The following GPAM variants were observed in gnomAD, a reference collection of about 807,000 sequenced individuals.
GPAM encodes the protein glycerol-3-phosphate acyltransferase 1, mitochondrial.
GPAM carries 56 observed loss-of-function variants against 105.0 expected under a neutral mutation model. The observed-to-expected ratio is 0.53, with a 90% CI of 0.43 to 0.67. The LOEUF is 0.67. Among genes scored for constraint, GPAM ranks in the 30% least tolerant of loss-of-function variants. The pLI is 0.00. For missense variants in GPAM, 855 were observed against 989.8 expected, an observed-to-expected ratio of 0.86 and a Z score of 1.83; for synonymous variants, 368 against 354.4, an observed-to-expected ratio of 1.04 and a Z score of -0.43.
chr10:112,218,569 C>T (rs1847992795), upstream of GPAM, among the ~76,000 whole-genome samples: 1 of 152,070 alleles, frequency 6.6e-6, no homozygotes, highest in Non-Finnish European at 1.5e-5. Flanking sequence ...GAATTTGGGG[C>T]AAGTCCACAG....
chr10:112,181,748 C>T lies in GPAM; in HGVS notation c.37G>A (p.Val13Ile). 1 of 1,609,630 alleles carries T rather than the reference C, an allele frequency of 6.2e-7. No individual in the cohort carries two copies. Among genetic ancestry groups the T allele is most frequent in the Non-Finnish European group, 8.5e-7 (1 of 1,176,034 alleles). ...ESALTLGTID[V>I]SYLPHSSEYS... ...TCTGATGAATGTGGCAGATAAGAAA[C>T]ATCTATTGTACCAAGGGTCAGTGCA... The change falls in exon 3 of 22, where the codon GTT becomes ATT. Residue 13 changes from valine to isoleucine, a missense_variant. Coordinates refer to ENST00000348367, the MANE Select transcript of GPAM (RefSeq NM_001244949.2).
In GPAM at chr10:112,160,585, A is replaced by G; in HGVS notation, c.1759+19T>C. ...ATTTTCCATGAAAATTACTGAAAAT[A>G]TTTCAAGGTCTGACATACCTATGAT... On this transcript the variant is annotated intron_variant, in intron 16 of 21. Transcript: ENST00000348367. 1 of 1,605,640 alleles carries G rather than the reference A, an allele frequency of 6.2e-7. No homozygotes were observed. Among genetic ancestry groups the G allele is most frequent in the Non-Finnish European group, 8.5e-7 (1 of 1,172,274 alleles).
chr10:112,174,782 C>T (rs925227035), intron 6 of GPAM, among the ~76,000 whole-genome samples: 6 of 152,196 alleles, frequency 3.9e-5, no homozygotes, highest in Non-Finnish European at 7.4e-5. Flanking sequence ...TTCTACACGT[C>T]ATTACCATGA....
At chr10:112,202,749 C>T (rs1028014570) in intron 1 of GPAM, among the ~76,000 whole-genome samples, 3 of 152,192 alleles carry the variant, frequency 2.0e-5, no homozygotes, top group Non-Finnish European at 4.4e-5. Context: ...AGCCTGGACA[C>T]CTCAGTCTTT....
intron 5 of GPAM, among the ~76,000 whole-genome samples, chr10:112,176,768 G>C (rs1309799798): frequency 6.6e-6 from 1 of 152,216 alleles, no homozygotes; most frequent in Non-Finnish European, 1.5e-5. Flanking sequence ...ACATGTGCAT[G>C]AGTGTGACAG....
the GPAM span, among the ~76,000 whole-genome samples, chr10:112,223,174 G>A: frequency 1.8e-4 from 28 of 152,152 alleles, no homozygotes; most frequent in Admixed American, 3.3e-4. Context: ...ACAGGACTCA[G>A]ACCTGTAGCA....
chr10:112,200,708 G>A (rs1228976254), intron 1 of GPAM, among the ~76,000 whole-genome samples: 1 of 152,082 alleles, frequency 6.6e-6, no homozygotes, highest in Non-Finnish European at 1.5e-5. Context: ...AGGAAGAGAA[G>A]GAGTCATTCA....
chr10:112,200,244 T>TATATATATAG (rs61460320), intron 1 of GPAM, among the ~76,000 whole-genome samples: 3 of 123,560 alleles, frequency 2.4e-5, no homozygotes, highest in African/African-American at 9.3e-5. Flanking sequence ...TATATATATA[T>TATATATATAG]AGAGAGAGAG....
intron 5 of GPAM, among the ~76,000 whole-genome samples, chr10:112,177,344 A>G (rs971705330): frequency 2.0e-5 from 3 of 152,170 alleles, no homozygotes; most frequent in Non-Finnish European, 4.4e-5. Flanking sequence ...CCAGGTATCT[A>G]TTTTTAGAAT....
chr10:112,184,416 T>G (rs556825472), upstream of GPAM, among the ~76,000 whole-genome samples: 1 of 152,332 alleles, frequency 6.6e-6, no homozygotes, highest in South Asian at 2.1e-4. Flanking sequence ...GAGGTGGATA[T>G]GTCAATTAGC....
At chr10:112,174,276 T>G (rs184491236) in intron 6 of GPAM, among the ~76,000 whole-genome samples, 1 of 152,348 alleles carries the variant, frequency 6.6e-6, no homozygotes, top group Non-Finnish European at 1.5e-5. Context: ...ATTTGTATTG[T>G]GACTCCATTA....
intron 1 of GPAM, among the ~76,000 whole-genome samples, chr10:112,210,858 A>G (rs1220252407): frequency 1.3e-5 from 2 of 152,214 alleles, no homozygotes; most frequent in Non-Finnish European, 2.9e-5. Context: ...AGCCTGGGGG[A>G]GGTCAAGTGG....
chr10:112,213,420 T>C (rs1847934644), intron 1 of GPAM, among the ~76,000 whole-genome samples: 2 of 152,088 alleles, frequency 1.3e-5, no homozygotes, highest in African/African-American at 4.8e-5. Context: ...GTTGGGTATA[T>C]AGAAAACACT....
chr10:112,226,311 G>T, the GPAM span, among the ~76,000 whole-genome samples: 1 of 152,164 alleles, frequency 6.6e-6, no homozygotes, highest in South Asian at 2.1e-4. Flanking sequence ...TGAAAAGAAG[G>T]TCATCGTTGT....
In GPAM at chr10:112,163,737, T is replaced by C; in HGVS notation, c.1387A>G (p.Arg463Gly). Residue 463 changes from arginine (R) to glycine (G), a missense_variant, in exon 14 of 22, where the codon AGG becomes GGG. Physicochemically the swap from Arg to Gly is moderately radical, Grantham distance 125. Coordinates refer to ENST00000348367, the MANE Select transcript of GPAM (RefSeq NM_001244949.2). Reference protein sequence around the residue: ...RNATDESLRRRLIANLAEHIL... With the variant: ...RNATDESLRRGLIANLAEHIL... ...TGCTCAGCCAGATTTGCAATCAACCTCCTTCGTAGGGATTCATCTGTTGCA... is the reference window on the plus strand; with the variant it reads ...TGCTCAGCCAGATTTGCAATCAACCCCCTTCGTAGGGATTCATCTGTTGCA... The C allele has an allele frequency of 1.3e-6, 2 of 1,594,376 alleles. No individual in the cohort carries two copies. The highest frequency in any genetic ancestry group is 1.7e-6 in the Non-Finnish European group (2 of 1,162,012).
At chr10:112,222,977 A>G in the GPAM span, among the ~76,000 whole-genome samples, 1 of 152,046 alleles carries the variant, frequency 6.6e-6, no homozygotes, top group Non-Finnish European at 1.5e-5. Flanking sequence ...CCACCATGCC[A>G]TTCCTGCCAG....
At chr10:112,192,619 G>A (rs779047970) in intron 1 of GPAM, among the ~76,000 whole-genome samples, 1 of 152,224 alleles carries the variant, frequency 6.6e-6, no homozygotes, top group Non-Finnish European at 1.5e-5. Flanking sequence ...GGCAGAGAGT[G>A]AGAACTGAAC....
intron 3 of GPAM, among the ~76,000 whole-genome samples, chr10:112,181,123 C>G (rs1847499537): frequency 6.6e-6 from 1 of 151,522 alleles, no homozygotes; most frequent in South Asian, 2.1e-4. Flanking sequence ...TCTAAAAATG[C>G]TTAACTTTGA....
chr10:112,198,843 TGAAAAAA>T (rs1326111847), intron 1 of GPAM, among the ~76,000 whole-genome samples: 1 of 151,998 alleles, frequency 6.6e-6, no homozygotes, highest in East Asian at 1.9e-4. Flanking sequence ...TCTTCAGCCT[TGAAAAAA>T]GAAGAAAATC....
Sources: allele counts gnomAD v4.1 joint callset (sites outside exome capture counted in the v4.1 genomes callset), GRCh38; gene constraint gnomAD v4.1.1; transcripts MANE v1.5; gene names NCBI Gene and HGNC (gene_info 2026-07-23, HGNC 2026-07-21).